The following IFT46 variants were observed in gnomAD, a reference collection of about 807,000 sequenced individuals.
The protein encoded by IFT46 is intraflagellar transport 46.
IFT46 carries 19 observed loss-of-function variants against 39.6 expected under a neutral mutation model. That is an observed-to-expected ratio of 0.48 (90% confidence interval 0.33 to 0.70). The LOEUF (loss-of-function observed/expected upper bound fraction) is 0.70. Ranked by LOEUF, IFT46 falls within the 30% of genes least tolerant of loss-of-function variation. The probability of loss-of-function intolerance (pLI) is 0.01; values close to 1 mark genes in which losing one functional copy is unlikely to be tolerated. For synonymous variants in IFT46, 117 were observed against 134.8 expected (o/e 0.87, Z 0.91); for missense variants, 334 against 364.8 (o/e 0.92, Z 0.69).
rs945607351 is a variant in IFT46 at position 118,552,402 on chromosome 11, A to G, written c.484-67T>C. 34 of 1,568,324 alleles carry G rather than the reference A, an allele frequency of 2.2e-5. No individual in the cohort carries two copies. In the African/African-American group the frequency reaches 4.5e-4, roughly 21 times the overall value. ...AGCTCTCTTGTTTTTACAGTGTCTC[A>G]TTATATCTGCTGCTGTTTCATATTC... On this transcript the variant is annotated intron_variant, in intron 7 of 11. Coordinates refer to ENST00000264021, the MANE Select transcript of IFT46 (RefSeq NM_001168618.2).
rs192425683 is a variant in IFT46 at position 118,560,666 on chromosome 11, A to G, written c.-35-802T>C. 3,394 of 529,512 alleles carry G rather than the reference A, an allele frequency of 6.4e-3. 103 individuals are homozygous for G. The highest frequency in any genetic ancestry group is 0.057 in the African/African-American group (2,994 of 52,590). 32.8% of individuals were successfully genotyped at this position (529,512 alleles called of 1,614,324 possible). The stretch of plus-strand genomic sequence containing the variant: ...GGCCGGCAGGTCTCTGTCGAGCCGC[A>G]AACGCGGGTCTCTGTTCCGCAGAAT... On this transcript the variant is annotated intron_variant, in intron 2 of 11. Transcript: ENST00000264021.
In IFT46 at chr11:118,552,081, A is replaced by T. The variant is rs781960491; in HGVS notation, c.605+133T>A. ...CTTTATGTCTACAATCTCAGCCAGT[A>T]GTTGCCAGGATCCACAGGACCTCAG... On this transcript the variant is annotated intron_variant, in intron 8 of 11. Transcript: ENST00000264021. 1.6e-5 allele frequency: 18 copies of T among 1,113,470 alleles called. No homozygotes were observed. In the Middle Eastern group the frequency reaches 7.9e-4, roughly 49 times the overall value. The allele number at this position is 1,113,470 out of a possible 1,614,324, so 69.0% of individuals were successfully genotyped here.
At chr11:118,567,865 T>A (rs1405671749), upstream of IFT46, among the ~76,000 whole-genome samples, 1 of 152,244 alleles carries the variant, frequency 6.6e-6, no homozygotes, top group African/African-American at 2.4e-5. Context: ...ATGAGATAGA[T>A]GTTACTGCCA....
chr11:118,564,153 C>T (rs2135511826), intron 2 of IFT46, among the ~76,000 whole-genome samples: 1 of 139,982 alleles, frequency 7.1e-6, no homozygotes. Context: ...CGCACCACTG[C>T]ACTCCAGCCT....
intron 7 of IFT46, 67 bp from the exon 8 acceptor site, chr11:118,552,402 A>C: frequency 2.6e-6 from 4 of 1,568,438 alleles, no homozygotes; most frequent in Non-Finnish European, 3.5e-6. Flanking sequence ...ACAGTGTCTC[A>C]TTATATCTGC....
intron 2 of IFT46, chr11:118,560,123 T>G (rs1186681956): frequency 2.4e-6 from 1 of 410,164 alleles, no homozygotes; most frequent in Admixed American, 3.9e-5. Context: ...ATAAATAATA[T>G]AAACTCTGGC....
At chr11:118,575,552 ATCT>A (rs782527707), upstream of IFT46, among the ~76,000 whole-genome samples, 4 of 152,112 alleles carry the variant, frequency 2.6e-5, no homozygotes, top group African/African-American at 9.7e-5. Context: ...TTTTATTGTA[ATCT>A]TCTCTCTGAT....
Position 118,555,038 on chromosome 11 carries a change from G to C in IFT46, c.306C>G (p.Phe102Leu). The C allele has an allele frequency of 6.2e-7, 1 of 1,614,024 alleles. No homozygotes were observed. The highest frequency in any genetic ancestry group is 1.6e-4 in the Middle Eastern group (1 of 6,062). The change falls in exon 6 of 12, where the codon TTC (phenylalanine) becomes TTG (leucine). Residue 102 changes from phenylalanine to leucine, a missense_variant. Coordinates refer to ENST00000264021, the MANE Select transcript of IFT46 (RefSeq NM_001168618.2). ...CGACAGCTGGGATAAAATCAGGAAT[G>C]AAAGGCTTCAGTTTGTGGTCCAGGT... ...LIDLDHKLKP[F>L]IPDFIPAVGD...
chr11:118,552,119 T>A, intron 8 of IFT46, 95 bp downstream of exon 8: 1 of 1,457,110 alleles, frequency 6.9e-7, no homozygotes, highest in Non-Finnish European at 9.4e-7. Flanking sequence ...TGATCAAATA[T>A]GTTCCCAGCC....
rs2135456508 is a variant in IFT46 at position 118,544,759 on chromosome 11, G to A, written c.*157C>T. The A allele has an allele frequency of 1.6e-6, 1 of 619,678 alleles. No individual in the cohort carries two copies. The highest frequency in any genetic ancestry group is 2.8e-5 in the East Asian group (1 of 36,148). 38.4% of individuals were successfully genotyped at this position (619,678 alleles called of 1,614,324 possible). A position where few individuals can be genotyped will look rare whatever the true frequency, so the allele number is the denominator to read the frequency against. On this transcript the variant is annotated 3_prime_UTR_variant, in exon 12 of 12. Transcript: ENST00000264021. ...GCAGGCAGGTTCATTAAACAAACAT[G>A]TTCTGTGCCCTCTGGCAGAGAGGGC...
intron 9 of IFT46, 99 bp downstream of exon 9, chr11:118,551,687 A>C (rs1483443441): frequency 3.1e-5 from 28 of 897,704 alleles, no homozygotes; most frequent in Middle Eastern, 2.3e-4. Context: ...AAAAAAAAAA[A>C]AAAGTTACCA....
rs373197488 is a variant in IFT46 at position 118,551,820 on chromosome 11, T to G, written c.638A>C (p.Glu213Ala). 3.0e-5 allele frequency: 49 copies of G among 1,614,002 alleles called. No homozygotes were observed. Among genetic ancestry groups the G allele is most frequent in the Non-Finnish European group, 4.2e-5 (49 of 1,180,032 alleles). The change falls in exon 9 of 12, where the codon GAA becomes GCA. Residue 213 changes from glutamate to alanine, a missense_variant. Physicochemically the swap from Glu to Ala is moderately radical, Grantham distance 107 (BLOSUM62 -1). Coordinates refer to ENST00000264021, the MANE Select transcript of IFT46 (RefSeq NM_001168618.2). Reference protein sequence around the residue: ...PMPDIDTLMQEWSPEFEELLG... With the variant: ...PMPDIDTLMQAWSPEFEELLG... The stretch of plus-strand genomic sequence containing the variant: ...AAGCTCTTCAAACTCCGGGGACCAT[T>G]CCTGCATCAGCGTGTCAATGTCGGG...
chr11:118,564,547 T>C (rs1938164106), intron 2 of IFT46, among the ~76,000 whole-genome samples: 1 of 152,024 alleles, frequency 6.6e-6, no homozygotes, highest in Non-Finnish European at 1.5e-5. Context: ...CTCGTCTCTA[T>C]AAAATTAAGA....
intron 7 of IFT46, among the ~76,000 whole-genome samples, chr11:118,553,356 G>A (rs1022838070): frequency 2.6e-5 from 4 of 151,002 alleles, no homozygotes; most frequent in Non-Finnish European, 5.9e-5. Context: ...CAGGAAAATC[G>A]CTTGAACCCG....
chr11:118,573,521 G>A (rs1938406842), upstream of IFT46: 1 of 541,042 alleles, frequency 1.8e-6, no homozygotes, highest in Admixed American at 3.2e-5. Flanking sequence ...ACATTCTTTG[G>A]TTTCAAAAAA....
At chr11:118,576,426 T>TAAAAAAAAAA (rs10671866), upstream of IFT46, among the ~76,000 whole-genome samples, 13 of 108,762 alleles carry the variant, frequency 1.2e-4, no homozygotes, top group East Asian at 2.8e-4. Context: ...CCAAAAATGT[T>TAAAAAAAAAA]AAAAAAAAAA....
At position 118,565,244 on chromosome 11, in the gene IFT46, T is replaced by C. The variant is rs188943675; in HGVS notation, c.-132-183A>G. 1.1e-3 allele frequency among the ~76,000 whole-genome samples: 172 copies of C among 152,124 alleles called. 1 individual carries two copies. The highest frequency in any genetic ancestry group is 2.1e-3 in the Non-Finnish European group (143 of 67,996). ...GGCCCTCGGTCAAGCAGTTAAGTCATTCTGTTGCAGCCCTTATTTAGGAAC... is the reference window on the plus strand; with the variant it reads ...GGCCCTCGGTCAAGCAGTTAAGTCACTCTGTTGCAGCCCTTATTTAGGAAC... On this transcript the variant is annotated intron_variant, in intron 1 of 11. Transcript: ENST00000264021.
intron 3 of IFT46, 190 bp from the exon 4 acceptor site, chr11:118,557,235 A>G: frequency 2.1e-6 from 1 of 480,612 alleles, no homozygotes; most frequent in Non-Finnish European, 3.6e-6. Flanking sequence ...TGGGGACTCC[A>G]CTTTCTAGAA....
chr11:118,546,458 T>C (rs1951688655), intron 9 of IFT46: 3 of 352,544 alleles, frequency 8.5e-6, no homozygotes, highest in Non-Finnish European at 1.6e-5. Flanking sequence ...GCTACTGCAC[T>C]CCAGCCTGGG....
Sources: allele counts gnomAD v4.1 joint callset (sites outside exome capture counted in the v4.1 genomes callset), GRCh38; gene constraint gnomAD v4.1.1; transcripts MANE v1.5; gene names NCBI Gene and HGNC (gene_info 2026-07-23, HGNC 2026-07-21).